Variants in KRT86 observed in about 807,000 individuals in gnomAD.
KRT86 encodes the protein keratin, type II cuticular Hb6.
In KRT86, 30 loss-of-function variants were observed where a neutral mutation model predicts 41.2. The ratio of observed to expected loss-of-function variants is 0.73; its 90% CI spans 0.54 to 0.99. KRT86 has a LOEUF of 0.99. Among genes scored for constraint, KRT86 ranks in the 50% least tolerant of loss-of-function variants. The pLI, the probability that KRT86 is intolerant of heterozygous loss-of-function variation, is 0.00. For synonymous variants in KRT86, 238 were observed against 238.1 expected (o/e 1.00, Z 0.00); for missense variants, 561 against 571.4 (o/e 0.98, Z 0.19).
intron 7 of KRT86, 86 bp downstream of exon 7, chr12:52,305,490 A>T (rs1938489095): frequency 1.2e-6 from 2 of 1,609,092 alleles, no homozygotes; most frequent in African/African-American, 1.3e-5. Flanking sequence ...TTTTCTGGGG[A>T]TGCACTAGGG....
chr12:52,297,252 T>A (rs1485836859), intron 2 of KRT86, among the ~76,000 whole-genome samples: 1 of 152,242 alleles, frequency 6.6e-6, no homozygotes, highest in African/African-American at 2.4e-5. Flanking sequence ...AGTCATTGCA[T>A]GCCTCAGTAT....
intron 9 of KRT86, among the ~76,000 whole-genome samples, chr12:52,307,776 C>T (rs73309377): frequency 0.011 from 1,668 of 152,290 alleles, 23 homozygotes; most frequent in African/African-American, 0.038. Context: ...CTCCTGATGC[C>T]TATAATCTAA....
At chr12:52,293,588 A>C (rs968455727) in intron 2 of KRT86, among the ~76,000 whole-genome samples, 1 of 152,144 alleles carries the variant, frequency 6.6e-6, no homozygotes, top group African/African-American at 2.4e-5. Flanking sequence ...CGGCGATGTG[A>C]GGCTACTTGG....
At chr12:52,284,625 T>G (rs1290102927) in intron 2 of KRT86, among the ~76,000 whole-genome samples, 3 of 152,234 alleles carry the variant, frequency 2.0e-5, no homozygotes, top group Admixed American at 2.0e-4. Context: ...CTTGGTTTGA[T>G]TCTAGCTTTT....
At position 52,305,806 on chromosome 12, in the gene KRT86, C is replaced by T. The variant is rs200865593; in HGVS notation, c.1026+18C>T. On this transcript the variant is annotated intron_variant, in intron 8 of 10. Coordinates refer to ENST00000423955, the MANE Select transcript of KRT86 (RefSeq NM_001320198.2). ...AGTGCCAGGTATGGGGCATCTGTGC[C>T]CAAGGTCAGAGAGACCGAGGGTCTA... 2 of 1,606,830 alleles carry T rather than the reference C, an allele frequency of 1.2e-6. No homozygotes were observed. The highest frequency in any genetic ancestry group is 1.7e-6 in the Non-Finnish European group (2 of 1,175,204).
intron 2 of KRT86, among the ~76,000 whole-genome samples, chr12:52,277,982 C>T (rs7298231): frequency 0.017 from 2,540 of 152,268 alleles, 79 homozygotes; most frequent in African/African-American, 0.058. Context: ...AGACCAGGGG[C>T]CGGTTTGTCC....
chr12:52,301,263 G>GA (rs1370574803), intron 2 of KRT86, among the ~76,000 whole-genome samples: 4 of 151,566 alleles, frequency 2.6e-5, no homozygotes, highest in Non-Finnish European at 4.4e-5. Flanking sequence ...GAGAGAGAGA[G>GA]AAAAAAACAT....
intron 5 of KRT86, among the ~76,000 whole-genome samples, chr12:52,304,722 G>T (rs1220934858): frequency 6.6e-6 from 1 of 151,836 alleles, no homozygotes; most frequent in Non-Finnish European, 1.5e-5. Context: ...TGAAAGGCTG[G>T]TGAGCCGTGC....
Position 52,305,724 on chromosome 12 carries a change from A to G in KRT86, c.962A>G (p.Glu321Gly). 1 of 1,614,062 alleles carries G rather than the reference A, an allele frequency of 6.2e-7. No individual in the cohort carries two copies. The highest frequency in any genetic ancestry group is 8.5e-7 in the Non-Finnish European group (1 of 1,179,924). ...GAGACCCTGCGCCGCACCAAGGAGGAGATCAACGAGCTGAACCGCATGATC... is the reference window on the plus strand; with the variant it reads ...GAGACCCTGCGCCGCACCAAGGAGGGGATCAACGAGCTGAACCGCATGATC... ...HGETLRRTKE[E>G]INELNRMIQR... Residue 321 changes from glutamate to glycine, a missense_variant, in exon 8 of 11, where the codon GAG (glutamate) becomes GGG (glycine). Glu to Gly is a moderately conservative substitution (Grantham distance 98). This residue lies in a region of KRT86 where 397 missense variants were observed against 375.9 expected (regional missense o/e 1.06). Transcript: ENST00000423955.
rs1459255679 is a variant in KRT86 at position 52,274,692 on chromosome 12, G to T, written c.-161G>T. ...AGCTGGGCTTTGGTGCTCAAGAGAGGCTTGGAGGAGACCACAGTTCTTTCT... is the reference window on the plus strand; with the variant it reads ...AGCTGGGCTTTGGTGCTCAAGAGAGTCTTGGAGGAGACCACAGTTCTTTCT... On this transcript the variant is annotated 5_prime_UTR_variant, in exon 1 of 11. Coordinates refer to ENST00000423955, the MANE Select transcript of KRT86 (RefSeq NM_001320198.2). 1.0e-6 allele frequency: 1 copy of T among 985,300 alleles called. No homozygotes were observed. Among genetic ancestry groups the T allele is most frequent in the Non-Finnish European group, 1.2e-6 (1 of 829,954 alleles). The allele number at this position is 985,300 out of a possible 1,614,324, so 61.0% of individuals were successfully genotyped here.
At chr12:52,278,041 C>G (rs73307334) in intron 2 of KRT86, among the ~76,000 whole-genome samples, 6,996 of 152,254 alleles carry the variant, frequency 0.046, 550 homozygotes, top group African/African-American at 0.16. Flanking sequence ...AATAAGGTCT[C>G]TGTGTGAAGT....
intron 2 of KRT86, among the ~76,000 whole-genome samples, chr12:52,280,776 G>A (rs191791142): frequency 1.0e-3 from 153 of 152,316 alleles, no homozygotes; most frequent in Non-Finnish European, 1.8e-3. Flanking sequence ...CTTTAGTCCA[G>A]CTCTGTGCTC....
At position 52,301,934 on chromosome 12, in the gene KRT86, C is replaced by T. The variant is rs1298881393; in HGVS notation, c.18C>T (p.Tyr6=). The change falls in exon 3 of 11, where the codon TAC becomes TAT. Residue 6 remains tyrosine (Y), a synonymous_variant. Transcript: ENST00000423955. ...AAAGCACCATGACTTGTGGATCTTA[C>T]TGTGGTGGCCGCGCCTTCAGCTGCA... MTCGS[Y]CGGRAFSCIS... The T allele has an allele frequency of 1.9e-6, 3 of 1,613,858 alleles. No homozygotes were observed. In the Admixed American group the frequency reaches 5.0e-5, roughly 27 times the overall value.
chr12:52,287,346 G>C, intron 2 of KRT86: 1 of 1,613,554 alleles, frequency 6.2e-7, no homozygotes, highest in Non-Finnish European at 8.5e-7. Flanking sequence ...AAAGAACAAG[G>C]TAGATTAGAG....
intron 2 of KRT86, among the ~76,000 whole-genome samples, chr12:52,299,923 G>T (rs142965312): frequency 1.3e-5 from 2 of 152,156 alleles, no homozygotes; most frequent in Non-Finnish European, 2.9e-5. Context: ...GTTTCCTTTG[G>T]TGTGCAGAAG....
chr12:52,286,491 C>A (rs1189825359), intron 2 of KRT86: 1 of 1,552,262 alleles, frequency 6.4e-7, no homozygotes, highest in East Asian at 2.4e-5. Context: ...GAGCTGCTGA[C>A]ACCTGTGAAC....
intron 2 of KRT86, chr12:52,288,302 C>T: frequency 1.2e-6 from 2 of 1,610,814 alleles, no homozygotes; most frequent in Non-Finnish European, 1.7e-6. Context: ...CCAACACTCC[C>T]ACCCCCAACT....
chr12:52,297,426 T>C (rs1271525280), intron 2 of KRT86, among the ~76,000 whole-genome samples: 1 of 152,154 alleles, frequency 6.6e-6, no homozygotes, highest in Non-Finnish European at 1.5e-5. Context: ...AGCTAGGAAA[T>C]ATCAGTCACA....
intron 2 of KRT86, among the ~76,000 whole-genome samples, chr12:52,301,004 G>A (rs780383231): frequency 1.1e-4 from 16 of 152,146 alleles, no homozygotes; most frequent in African/African-American, 2.2e-4. Context: ...CCTCTCAGCC[G>A]AGGCTGGCCA....
Sources: gnomAD v4.1 joint callset for allele counts (sites outside exome capture counted in the v4.1 genomes callset) on GRCh38, gnomAD v4.1.1 for gene constraint, gnomAD v4.1.1 regional missense constraint, MANE v1.5 for transcripts, NCBI Gene and HGNC (gene_info 2026-07-23, HGNC 2026-07-21) for gene names.